TGM2: variants seen among roughly 807,000 people sequenced by gnomAD.
TGM2 encodes the protein transglutaminase 2, also known as protein-glutamine gamma-glutamyltransferase 2.
TGM2 carries 53 observed loss-of-function variants against 75.6 expected under a neutral mutation model. The observed-to-expected ratio is 0.70, with a 90% confidence interval of 0.56 to 0.88. The LOEUF (loss-of-function observed/expected upper bound fraction) is 0.88. TGM2 is among the 40% of genes least tolerant of loss of function. The pLI is 0.00. For missense variants in TGM2, 842 were observed against 928.5 expected (o/e 0.91, Z 1.21); for synonymous variants, 374 against 381.1 (o/e 0.98, Z 0.22).
chr20:38,154,834 G>T (rs942928439), intron 3 of TGM2, among the ~76,000 whole-genome samples: 1 of 150,162 alleles, frequency 6.7e-6, no homozygotes, highest in African/African-American at 2.4e-5. Context: ...AGCCGGGCAC[G>T]GTGGCTCACG....
At chr20:38,153,419 G>T (rs1354067444) in intron 3 of TGM2, among the ~76,000 whole-genome samples, 1 of 151,538 alleles carries the variant, frequency 6.6e-6, no homozygotes, top group African/African-American at 2.4e-5. Context: ...CAGGTACTCG[G>T]GAGGCTGAGG....
At chr20:38,168,445 G>C (rs1237382272), upstream of TGM2, among the ~76,000 whole-genome samples, 1 of 152,242 alleles carries the variant, frequency 6.6e-6, no homozygotes, top group Non-Finnish European at 1.5e-5. Flanking sequence ...AAGATCCCCA[G>C]ACACTGCAAT....
upstream of TGM2, among the ~76,000 whole-genome samples, chr20:38,167,853 C>T (rs1011795152): frequency 6.6e-6 from 1 of 152,142 alleles, no homozygotes; most frequent in Non-Finnish European, 1.5e-5. Flanking sequence ...TAAATTTTGG[C>T]CTCCTCACTG....
intron 3 of TGM2, among the ~76,000 whole-genome samples, chr20:38,155,636 C>G (rs2075174913): frequency 1.3e-5 from 2 of 152,206 alleles, no homozygotes; most frequent in Admixed American, 1.3e-4. Flanking sequence ...GCATGGATCA[C>G]TGAGCCCGGC....
intron 6 of TGM2, among the ~76,000 whole-genome samples, chr20:38,142,667 C>A (rs1401732931): frequency 1.3e-5 from 2 of 152,226 alleles, no homozygotes; most frequent in Admixed American, 6.5e-5. Context: ...CAAGATTGCA[C>A]CACTGCACTC....
At chr20:38,164,052 G>C (rs952110071) in intron 1 of TGM2, among the ~76,000 whole-genome samples, 1 of 152,232 alleles carries the variant, frequency 6.6e-6, no homozygotes, top group Non-Finnish European at 1.5e-5. Context: ...CTGTGACATG[G>C]GGCTGGAGGC....
At chr20:38,144,777 G>A (rs1048337399) in intron 6 of TGM2, among the ~76,000 whole-genome samples, 2 of 152,166 alleles carry the variant, frequency 1.3e-5, no homozygotes, top group Non-Finnish European at 2.9e-5. Flanking sequence ...GGCTCCCCAC[G>A]TGAACTCCAC....
chr20:38,155,466 C>T (rs1380153579), intron 3 of TGM2, among the ~76,000 whole-genome samples: 1 of 152,152 alleles, frequency 6.6e-6, no homozygotes, highest in Non-Finnish European at 1.5e-5. Context: ...CTCAACCTCC[C>T]AATTAGCTGG....
intron 1 of TGM2, 21 bp from the exon 2 acceptor site, chr20:38,161,620 G>T: frequency 6.2e-7 from 1 of 1,614,010 alleles, no homozygotes; most frequent in Non-Finnish European, 8.5e-7. Flanking sequence ...AGAAGGAGAC[G>T]CATGAGCCTC....
At chr20:38,144,851 T>C (rs1258495780) in intron 6 of TGM2, among the ~76,000 whole-genome samples, 1 of 152,010 alleles carries the variant, frequency 6.6e-6, no homozygotes, top group African/African-American at 2.4e-5. Flanking sequence ...CTACACAGCC[T>C]GGGAAGAGGC....
intron 4 of TGM2, among the ~76,000 whole-genome samples, chr20:38,150,084 C>A (rs571163264): frequency 2.5e-4 from 38 of 152,278 alleles, no homozygotes; most frequent in Middle Eastern, 3.4e-3. Context: ...GTTGAGGGGC[C>A]AGGGGTGCAA....
At chr20:38,139,806 G>GGCAA in intron 8 of TGM2, 152 bp from the exon 9 acceptor site, 2 of 1,035,204 alleles carry the variant, frequency 1.9e-6, no homozygotes, top group Admixed American at 4.4e-5. Flanking sequence ...GGCACCACAG[G>GGCAA]GCAAGGGTTC....
intron 4 of TGM2, among the ~76,000 whole-genome samples, chr20:38,148,990 G>A (rs1413221890): frequency 6.6e-6 from 1 of 152,178 alleles, no homozygotes; most frequent in African/African-American, 2.4e-5. Flanking sequence ...AACCCTCTGT[G>A]GCTCCCTATT....
chr20:38,135,752 G>A (rs1378222255), intron 10 of TGM2, among the ~76,000 whole-genome samples: 1 of 152,086 alleles, frequency 6.6e-6, no homozygotes, highest in Admixed American at 6.5e-5. Context: ...TGGGACAGAA[G>A]GTGTTCAGGA....
intron 10 of TGM2, 46 bp downstream of exon 10, chr20:38,138,067 T>G (rs755158313): frequency 1.3e-6 from 2 of 1,543,554 alleles, no homozygotes; most frequent in African/African-American, 2.7e-5. Context: ...ACCTAGCATG[T>G]TGTCAGTTGG....
intron 6 of TGM2, 156 bp downstream of exon 6, chr20:38,146,561 G>A (rs533928868): frequency 2.4e-6 from 2 of 841,874 alleles, no homozygotes; most frequent in African/African-American, 1.7e-5. Flanking sequence ...TTGGATAAAG[G>A]ACCGGAGAGG....
chr20:38,140,785 GT>G (rs1485689655), intron 8 of TGM2, among the ~76,000 whole-genome samples: 2 of 151,990 alleles, frequency 1.3e-5, no homozygotes, highest in East Asian at 3.9e-4. Context: ...AATGTAATTG[GT>G]TTTCTTTGTA....
intron 8 of TGM2, among the ~76,000 whole-genome samples, chr20:38,140,186 T>C (rs45511295): frequency 0.011 from 1,680 of 152,314 alleles, 28 homozygotes; most frequent in African/African-American, 0.038. Flanking sequence ...TGAATACGGG[T>C]GCCTGATGTT....
intron 4 of TGM2, among the ~76,000 whole-genome samples, chr20:38,149,826 A>G (rs1485167799): frequency 6.6e-6 from 1 of 152,136 alleles, no homozygotes; most frequent in African/African-American, 2.4e-5. Flanking sequence ...TCATACCACC[A>G]TTTCATTTAT....
Sources: gnomAD v4.1 joint callset for allele counts (sites outside exome capture counted in the v4.1 genomes callset) on GRCh38, gnomAD v4.1.1 for gene constraint, MANE v1.5 for transcripts, NCBI Gene and HGNC (gene_info 2026-07-23, HGNC 2026-07-21) for gene names.